The following NFIX variants were observed in gnomAD, a reference collection of about 807,000 sequenced individuals.
NFIX encodes nuclear factor 1 X-type.
NFIX carries 2 observed loss-of-function variants against 53.3 expected under a neutral mutation model. The observed-to-expected ratio is 0.04, with a 90% CI of 0.02 to 0.12. NFIX has a LOEUF of 0.12. Among genes scored for constraint, NFIX ranks in the 10% least tolerant of loss-of-function variants. The pLI, the probability that NFIX is intolerant of heterozygous loss-of-function variation, is 1.00. For synonymous variants in NFIX, 244 were observed against 289.0 expected, an observed-to-expected ratio of 0.84 and a Z score of 1.58; for missense variants, 310 against 674.5, an observed-to-expected ratio of 0.46 and a Z score of 5.99.
chr19:13,045,862 G>A lies in NFIX; in HGVS notation c.559+20310G>A, dbSNP rs1183473320. Among the ~76,000 whole-genome samples, 1 of 152,232 alleles carries A rather than the reference G, an allele frequency of 6.6e-6. No homozygotes were observed. Among genetic ancestry groups the A allele is most frequent in the Non-Finnish European group, 1.5e-5 (1 of 68,036 alleles). ...GTTGCCGACTGAGGCACCTGGGAGTGAGGGGCTTGGACATTCTTCCTCAGC... is the reference window on the plus strand; with the variant it reads ...GTTGCCGACTGAGGCACCTGGGAGTAAGGGGCTTGGACATTCTTCCTCAGC... On this transcript the variant is annotated intron_variant, in intron 2 of 10. Coordinates refer to ENST00000592199, the MANE Select transcript of NFIX (RefSeq NM_001365902.3). The surrounding 1 kb of genome is among the most constrained non-coding windows in gnomAD (Gnocchi z 4.4).
At chr19:13,069,278 G>T (rs967333544) in intron 2 of NFIX, among the ~76,000 whole-genome samples, 1 of 152,216 alleles carries the variant, frequency 6.6e-6, no homozygotes, top group South Asian at 2.1e-4. Context: ...TGGCAAGCAG[G>T]CTGGAAAGAA....
rs1192446992 is a variant in NFIX at position 13,060,798 on chromosome 19, G to A, written c.560-12249G>A. ...GCCTCACCTCGGCTAACCTCCCAGC[G>A]GAACAAAGGGGCCTTTCTCCACGCC... On this transcript the variant is annotated intron_variant, in intron 2 of 10. Coordinates refer to ENST00000592199, the MANE Select transcript of NFIX (RefSeq NM_001365902.3). This position sits in a 1 kb window ranked among gnomAD's most constrained non-coding sequence, Gnocchi z 4.3. Among the ~76,000 whole-genome samples, 2 of 151,694 alleles carry A rather than the reference G, an allele frequency of 1.3e-5. No homozygotes were observed. The highest frequency in any genetic ancestry group is 2.0e-4 in the East Asian group (1 of 5,098).
chr19:13,059,484 A>C (rs2015921063), intron 2 of NFIX, among the ~76,000 whole-genome samples: 1 of 152,158 alleles, frequency 6.6e-6, no homozygotes, highest in African/African-American at 2.4e-5. Context: ...AGGCCAGGGG[A>C]CTGTCAGAAT....
chr19:13,094,373 G>A lies in NFIX; in HGVS notation c.1495-262G>A, dbSNP rs928741605. ...AGCGCCAGCCATGGGGGTCCCACCCGCTGGGCACAGTGCCCACGGGAAGGC... is the reference window on the plus strand; with the variant it reads ...AGCGCCAGCCATGGGGGTCCCACCCACTGGGCACAGTGCCCACGGGAAGGC... On this transcript the variant is annotated intron_variant, in intron 10 of 10. Transcript: ENST00000592199. The surrounding 1 kb of genome is among the most constrained non-coding windows in gnomAD (Gnocchi z 4.3). Among the ~76,000 whole-genome samples, 7 of 152,322 alleles carry A rather than the reference G, an allele frequency of 4.6e-5. No homozygotes were observed. The highest frequency in any genetic ancestry group is 7.2e-5 in the African/African-American group (3 of 41,576).
chr19:13,028,922 G>A lies in NFIX; in HGVS notation c.559+3370G>A, dbSNP rs1254985849. Among the ~76,000 whole-genome samples, 1 of 151,950 alleles carries A rather than the reference G, an allele frequency of 6.6e-6. No homozygotes were observed. The highest frequency in any genetic ancestry group is 1.5e-5 in the Non-Finnish European group (1 of 68,004). Reference sequence around the variant, plus strand: ...CCTTCAGACCTTCCCTGACACCTAAGCCTTGGTCCTAGGAAAGAAAAAAAA... The same window carrying A: ...CCTTCAGACCTTCCCTGACACCTAAACCTTGGTCCTAGGAAAGAAAAAAAA... On this transcript the variant is annotated intron_variant, in intron 2 of 10. Coordinates refer to ENST00000592199, the MANE Select transcript of NFIX (RefSeq NM_001365902.3). The surrounding 1 kb of genome is among the most constrained non-coding windows in gnomAD (Gnocchi z 4.2).
chr19:13,068,109 AAAAAAC>A lies in NFIX; in HGVS notation c.560-4920_560-4915del, dbSNP rs907142641. Among the ~76,000 whole-genome samples the A allele has an allele frequency of 1.3e-4, 20 of 152,020 alleles. No individual in the cohort carries two copies. The highest frequency in any genetic ancestry group is 2.2e-4 in the African/African-American group (9 of 41,390). ...GACAGAGCAAGACTCCATCTCAAAA[AAAAAAC>A]AAAAACAAAAACAAAAAACAAAAAC... On this transcript the variant is annotated intron_variant, in intron 2 of 10. Coordinates refer to ENST00000592199, the MANE Select transcript of NFIX (RefSeq NM_001365902.3). This position sits in a 1 kb window ranked among gnomAD's most constrained non-coding sequence, Gnocchi z 4.2.
chr19:13,016,727 A>G (rs1264120129), intron 1 of NFIX, among the ~76,000 whole-genome samples: 2 of 151,108 alleles, frequency 1.3e-5, no homozygotes, highest in Non-Finnish European at 2.9e-5. Context: ...AAACAGGCCC[A>G]GGAGCCATTG....
chr19:13,053,586 C>T (rs2015461383), intron 2 of NFIX, among the ~76,000 whole-genome samples: 1 of 152,112 alleles, frequency 6.6e-6, no homozygotes, highest in Admixed American at 6.5e-5. Flanking sequence ...TGCTACCCTC[C>T]AGCCCATCCT....
Position 13,013,954 on chromosome 19 carries a change from T to C in NFIX, c.28-11067T>C, listed in dbSNP as rs1211613014. The C allele has an allele frequency of 6.6e-6, 1 of 152,234 alleles. No homozygotes were observed. Among genetic ancestry groups the C allele is most frequent in the Non-Finnish European group, 1.5e-5 (1 of 68,036 alleles). The allele number at this position is 152,234 out of a possible 1,614,324, so 9.4% of individuals were successfully genotyped here. On this transcript the variant is annotated intron_variant, in intron 1 of 10. Transcript: ENST00000592199. This position sits in a 1 kb window ranked among gnomAD's most constrained non-coding sequence, Gnocchi z 5.9. Reference sequence around the variant, plus strand: ...GCGAGCTTCTGCGCTGCCTCTGTCGTCGGAGCCCGGGTTTGCCACGGCAAA... The same window carrying C: ...GCGAGCTTCTGCGCTGCCTCTGTCGCCGGAGCCCGGGTTTGCCACGGCAAA...
intron 1 of NFIX, among the ~76,000 whole-genome samples, chr19:13,023,630 C>CT (rs201731717): frequency 1.8e-3 from 227 of 128,658 alleles, no homozygotes; most frequent in South Asian, 8.0e-3. Context: ...GCATTTTTTT[C>CT]TTTTTTTTTT....
At chr19:13,058,736 C>T (rs2015871193) in intron 2 of NFIX, among the ~76,000 whole-genome samples, 2 of 151,864 alleles carry the variant, frequency 1.3e-5, no homozygotes, top group African/African-American at 2.4e-5. Flanking sequence ...GCTCAGGGCC[C>T]GGATACTGCA....
At chr19:13,004,519 G>A (rs1339010966) in intron 1 of NFIX, among the ~76,000 whole-genome samples, 1 of 152,190 alleles carries the variant, frequency 6.6e-6, no homozygotes, top group African/African-American at 2.4e-5. Context: ...CCTGGCAGTG[G>A]TTGGAAATGG....
In NFIX at chr19:13,013,481, G is replaced by A. The variant is rs752310580; in HGVS notation, c.28-11540G>A. On this transcript the variant is annotated intron_variant, in intron 1 of 10. Transcript: ENST00000592199. The surrounding 1 kb of genome is among the most constrained non-coding windows in gnomAD (Gnocchi z 5.9). ...CCACGTGCGGATGACTCAGCCCGCT[G>A]CAGCTGCGCCCGGGGAGGTGACCCT... Among the ~76,000 whole-genome samples the A allele has an allele frequency of 3.4e-4, 51 of 152,182 alleles. No homozygotes were observed. The highest frequency in any genetic ancestry group is 5.4e-4 in the Non-Finnish European group (37 of 68,038).
intron 2 of NFIX, among the ~76,000 whole-genome samples, chr19:13,064,110 CAT>C (rs2016257874): frequency 6.6e-6 from 1 of 152,128 alleles, no homozygotes; most frequent in African/African-American, 2.4e-5. Context: ...CTTTTCTTGA[CAT>C]GTGGGGTATG....
At chr19:13,038,549 C>T (rs540253870) in intron 2 of NFIX, among the ~76,000 whole-genome samples, 4 of 152,308 alleles carry the variant, frequency 2.6e-5, no homozygotes, top group Admixed American at 1.3e-4. Context: ...ATGGAGTTTA[C>T]AGAAATCTAG....
intron 1 of NFIX, among the ~76,000 whole-genome samples, chr19:13,004,083 G>A (rs1196378976): frequency 6.6e-6 from 1 of 151,994 alleles, no homozygotes; most frequent in Non-Finnish European, 1.5e-5. Context: ...AATCATTTTT[G>A]GTTGTCACAC....
Position 13,025,577 on chromosome 19 carries a change from CCT to C in NFIX, c.559+29_559+30del. 6.3e-7 allele frequency: 1 copy of C among 1,593,994 alleles called. No individual in the cohort carries two copies. On this transcript the variant is annotated intron_variant, in intron 2 of 10. Coordinates refer to ENST00000592199, the MANE Select transcript of NFIX (RefSeq NM_001365902.3). This position sits in a 1 kb window ranked among gnomAD's most constrained non-coding sequence, Gnocchi z 7.5. The stretch of plus-strand genomic sequence containing the variant: ...GGTAGGTCGTTCTCAACCATTTTTC[CCT>C]CTCATTTTATTTTCCTTGCTGGCAT...
intron 8 of NFIX, chr19:13,082,194 T>A (rs531607946): frequency 3.2e-6 from 1 of 309,258 alleles, no homozygotes; most frequent in African/African-American, 2.1e-5. Flanking sequence ...CCAGCGCTCC[T>A]CTTAAACCTC....
At position 13,021,966 on chromosome 19, in the gene NFIX, C is replaced by G. The variant is rs947480069; in HGVS notation, c.28-3055C>G. 6.6e-6 allele frequency among the ~76,000 whole-genome samples: 1 copy of G among 152,070 alleles called. No homozygotes were observed. The highest frequency in any genetic ancestry group is 6.6e-5 in the Admixed American group (1 of 15,262). On this transcript the variant is annotated intron_variant, in intron 1 of 10. Transcript: ENST00000592199. The surrounding 1 kb of genome is among the most constrained non-coding windows in gnomAD (Gnocchi z 4.2). Reference sequence around the variant, plus strand: ...TTGGGTTTCTCATTTTATACTTTTGCACTTTGCACTGCTAGGGTTTGGGCT... The same window carrying G: ...TTGGGTTTCTCATTTTATACTTTTGGACTTTGCACTGCTAGGGTTTGGGCT...
Sources: gnomAD v4.1 joint callset for allele counts (sites outside exome capture counted in the v4.1 genomes callset) on GRCh38, gnomAD v4.1.1 for gene constraint, Gnocchi (gnomAD v3.1) non-coding constraint, MANE v1.5 for transcripts, NCBI Gene and HGNC (gene_info 2026-07-23, HGNC 2026-07-21) for gene names.